JCAD: variants seen among roughly 807,000 people sequenced by gnomAD.
The protein encoded by JCAD is junctional cadherin 5 associated.
Under a neutral mutation model 98.0 loss-of-function variants are expected in JCAD, and 40 were observed. That is an observed-to-expected ratio of 0.41 (90% CI 0.32 to 0.53). The LOEUF (loss-of-function observed/expected upper bound fraction) is 0.53. Among genes scored for constraint, JCAD ranks in the 20% least tolerant of loss-of-function variants. JCAD has a pLI of 0.31. For missense variants in JCAD, 1,705 were observed against 1,738.1 expected (o/e 0.98, Z 0.34); for synonymous variants, 691 against 682.3 (o/e 1.01, Z -0.20).
rs1836568735 is a variant in JCAD, at chr10:30,017,867, C to T, written c.*16G>A. Reference sequence around the variant, plus strand: ...TACTCAATTCGCAACGGAATGCAAGCTCCACCGGCATTTCATCACACCCTC... The same window carrying T: ...TACTCAATTCGCAACGGAATGCAAGTTCCACCGGCATTTCATCACACCCTC... On this transcript the variant is annotated 3_prime_UTR_variant, in exon 4 of 4. Transcript: ENST00000375377. 1 of 1,610,832 alleles carries T rather than the reference C, an allele frequency of 6.2e-7. No homozygotes were observed. The highest frequency in any genetic ancestry group is 8.5e-7 in the Non-Finnish European group (1 of 1,177,106).
intron 1 of JCAD, among the ~76,000 whole-genome samples, chr10:30,106,783 G>A (rs968285788): frequency 8.5e-5 from 13 of 152,198 alleles, no homozygotes; most frequent in African/African-American, 2.9e-4. Flanking sequence ...TTACAGGAGT[G>A]AGCCACCATG....
At chr10:30,082,446 C>T (rs1214490613) in intron 1 of JCAD, among the ~76,000 whole-genome samples, 1 of 152,160 alleles carries the variant, frequency 6.6e-6, no homozygotes, top group Non-Finnish European at 1.5e-5. Flanking sequence ...GGGCCGGGCG[C>T]AGTTGCTCAC....
rs765462476 is a variant in JCAD at position 30,028,815 on chromosome 10, C to T, written c.1333G>A (p.Asp445Asn). ...KLAQPQGFCEDIKLDDKSYNS... is the reference protein window; with the variant it reads ...KLAQPQGFCENIKLDDKSYNS... Reference sequence around the variant, plus strand: ...TATGATTTATCGTCAAGCTTTATGTCTTCACAGAAACCCTGGGGCTGAGCT... The same window carrying T: ...TATGATTTATCGTCAAGCTTTATGTTTTCACAGAAACCCTGGGGCTGAGCT... Residue 445 changes from aspartate to asparagine, a missense_variant, in exon 3 of 4, where the codon GAC becomes AAC. Transcript: ENST00000375377. 15 of 1,614,236 alleles carry T rather than the reference C, an allele frequency of 9.3e-6. No homozygotes were observed. The highest frequency in any genetic ancestry group is 3.3e-5 in the South Asian group (3 of 91,084).
chr10:30,028,054 C>A lies in JCAD; in HGVS notation c.2094G>T (p.Glu698Asp), dbSNP rs1836876188. ...CAGGGAGCAGCTGCGAACTTTGGGGCTCCTCGGAGAAACTGGTTTGTGTTT... is the reference window on the plus strand; with the variant it reads ...CAGGGAGCAGCTGCGAACTTTGGGGATCCTCGGAGAAACTGGTTTGTGTTT... The part of the protein sequence containing the change: ...DQQTQTSFSE[E>D]PQSSQLLPGA... Residue 698 changes from glutamate to aspartate, a missense_variant, in exon 3 of 4, where the codon GAG becomes GAT. By Grantham distance (45) the Glu-to-Asp change is conservative. Coordinates refer to ENST00000375377, the MANE Select transcript of JCAD (RefSeq NM_020848.4). 3 of 1,614,244 alleles carry A rather than the reference C, an allele frequency of 1.9e-6. No individual in the cohort carries two copies. Among genetic ancestry groups the A allele is most frequent in the Non-Finnish European group, 2.5e-6 (3 of 1,180,042 alleles).
intron 3 of JCAD, among the ~76,000 whole-genome samples, chr10:30,024,852 C>T (rs921903970): frequency 9.9e-5 from 15 of 151,956 alleles, no homozygotes; most frequent in South Asian, 4.1e-4. Context: ...CCCGCCGCCA[C>T]GCCCAGCTAA....
intron 1 of JCAD, among the ~76,000 whole-genome samples, chr10:30,114,589 A>AC (rs933754026): frequency 6.6e-6 from 1 of 151,714 alleles, no homozygotes; most frequent in African/African-American, 2.4e-5. Flanking sequence ...AAAAAAAAAA[A>AC]AAAAAAAAAA....
At chr10:30,086,006 A>G (rs1248072569) in intron 1 of JCAD, among the ~76,000 whole-genome samples, 4 of 152,196 alleles carry the variant, frequency 2.6e-5, no homozygotes, top group Admixed American at 2.6e-4. Flanking sequence ...CAAAATGTAT[A>G]AAACTCTGTA....
chr10:30,110,177 G>A (rs535951124), intron 1 of JCAD, among the ~76,000 whole-genome samples: 144 of 148,038 alleles, frequency 9.7e-4, no homozygotes, highest in African/African-American at 3.6e-3. Flanking sequence ...GTATGGACCC[G>A]CTGATGTATG....
At chr10:30,049,699 G>A (rs958682974) in intron 1 of JCAD, among the ~76,000 whole-genome samples, 3 of 152,148 alleles carry the variant, frequency 2.0e-5, no homozygotes, top group African/African-American at 7.2e-5. Context: ...AGAAGCAAGG[G>A]TTTGTTCTTT....
chr10:30,028,912 T>G lies in JCAD; in HGVS notation c.1236A>C (p.Arg412=). Reference sequence around the variant, plus strand: ...CGAAGCCGTCATAGGCAGTGACAGGTCGGGGATGTGCGGGGAGCCCCTGAG... The same window carrying G: ...CGAAGCCGTCATAGGCAGTGACAGGGCGGGGATGTGCGGGGAGCCCCTGAG... ...RLPQGLPAHP[R]PVTAYDGFVQ... is the part of the protein sequence containing the mutation. The change falls in exon 3 of 4, where the codon CGA becomes CGC. Residue 412 remains arginine, a synonymous_variant. Transcript: ENST00000375377. 6.2e-7 allele frequency: 1 copy of G among 1,613,954 alleles called. No homozygotes were observed. The highest frequency in any genetic ancestry group is 8.5e-7 in the Non-Finnish European group (1 of 1,179,974).
rs1458944034 is a variant in JCAD, at chr10:30,028,297, C to T, written c.1851G>A (p.Pro617=). 1.1e-5 allele frequency: 17 copies of T among 1,614,190 alleles called. No individual in the cohort carries two copies. Among genetic ancestry groups the T allele is most frequent in the Non-Finnish European group, 1.4e-5 (16 of 1,180,036 alleles). The change falls in exon 3 of 4, where the codon CCG becomes CCA. Residue 617 remains proline, a synonymous_variant. Coordinates refer to ENST00000375377, the MANE Select transcript of JCAD (RefSeq NM_020848.4). ...ADQKNGSDKS[P]ALQEQSLLSM... is the part of the protein sequence containing the mutation. ...TCAGCAGACTCTGTTCTTGCAGAGC[C>T]GGGCTCTTATCAGACCCATTCTTTT...
chr10:30,013,883 T>C lies in JCAD; in HGVS notation c.*4000A>G, dbSNP rs1467365683. The C allele has an allele frequency of 3.3e-5, 5 of 152,238 alleles. No homozygotes were observed. The highest frequency in any genetic ancestry group is 3.3e-4 in the Admixed American group (5 of 15,278). The allele number at this position is 152,238 out of a possible 1,614,324, so 9.4% of individuals were successfully genotyped here. ...CGATGCCAGGAATCTGCAGGAGCCT[T>C]GGCTGCCTTCCCACACTGCTGATGA... On this transcript the variant is annotated 3_prime_UTR_variant, in exon 4 of 4. Transcript: ENST00000375377.
intron 1 of JCAD, among the ~76,000 whole-genome samples, chr10:30,106,291 C>T (rs185689153): frequency 6.6e-6 from 1 of 152,060 alleles, no homozygotes; most frequent in African/African-American, 2.4e-5. Flanking sequence ...ATTAACTGGG[C>T]ATGATGGTGT....
chr10:30,108,703 A>AT (rs1479449613), intron 1 of JCAD, among the ~76,000 whole-genome samples: 2 of 152,136 alleles, frequency 1.3e-5, no homozygotes, highest in Admixed American at 6.5e-5. Context: ...GTGGGAGGAG[A>AT]TTTCAGCCAC....
At chr10:30,052,584 A>C (rs960668653) in intron 1 of JCAD, among the ~76,000 whole-genome samples, 1 of 152,186 alleles carries the variant, frequency 6.6e-6, no homozygotes, top group Admixed American at 6.5e-5. Context: ...TGAGGAAAGG[A>C]GTGGGCTAGG....
At chr10:30,096,933 T>C (rs926072978) in intron 1 of JCAD, among the ~76,000 whole-genome samples, 6 of 152,182 alleles carry the variant, frequency 3.9e-5, no homozygotes, top group African/African-American at 1.4e-4. Context: ...TTATAACAAT[T>C]CTGAAAGGAA....
chr10:30,053,090 T>A (rs1837501095), intron 1 of JCAD, among the ~76,000 whole-genome samples: 2 of 151,966 alleles, frequency 1.3e-5, no homozygotes, highest in South Asian at 4.2e-4. Context: ...ATCAAAGAAA[T>A]GCAAATTAAA....
In JCAD at chr10:30,026,808, G is replaced by C. The variant is rs1836818835; in HGVS notation, c.3340C>G (p.Pro1114Ala). ...TCTGGGGTGCAGGCACTTGCATCGG[G>C]CTCAGCAGGCTGGTTCTGTCCCGCT... ...RRAGQNQPAEPDASACTPESP... is the reference protein window; with the variant it reads ...RRAGQNQPAEADASACTPESP... The change falls in exon 3 of 4, where the codon CCC becomes GCC. Residue 1114 changes from proline to alanine, a missense_variant. This residue lies in a region of JCAD where 1,278 missense variants were observed against 1,243.1 expected (regional missense o/e 1.03). Transcript: ENST00000375377. 2.0e-5 allele frequency: 32 copies of C among 1,613,906 alleles called. No individual in the cohort carries two copies. The highest frequency in any genetic ancestry group is 3.3e-5 in the Admixed American group (2 of 60,016).
chr10:30,042,885 G>A (rs1328514229), intron 2 of JCAD, among the ~76,000 whole-genome samples: 1 of 152,188 alleles, frequency 6.6e-6, no homozygotes. Flanking sequence ...GGCAAGGAGG[G>A]CCCCTGAGCC....
Sources: gnomAD v4.1 joint callset for allele counts (sites outside exome capture counted in the v4.1 genomes callset) on GRCh38, gnomAD v4.1.1 for gene constraint, gnomAD v4.1.1 regional missense constraint, MANE v1.5 for transcripts, NCBI Gene and HGNC (gene_info 2026-07-23, HGNC 2026-07-21) for gene names.